Variants in MRPL39 observed in about 807,000 individuals in gnomAD.
MRPL39 encodes the protein large ribosomal subunit protein mL39.
In MRPL39, 35 loss-of-function variants were observed where a neutral mutation model predicts 44.5. The observed-to-expected ratio is 0.79, with a 90% CI of 0.60 to 1.04. The LOEUF is 1.04. Among genes scored for constraint, MRPL39 ranks in the 50% least tolerant of loss-of-function variants. MRPL39 has a pLI of 0.00. For missense variants in MRPL39, 433 were observed against 413.5 expected, an observed-to-expected ratio of 1.05 and a Z score of -0.41; for synonymous variants, 139 against 136.1, an observed-to-expected ratio of 1.02 and a Z score of -0.15.
At chr21:25,598,161 T>TA (rs1428355886) in intron 5 of MRPL39, among the ~76,000 whole-genome samples, 1 of 152,078 alleles carries the variant, frequency 6.6e-6, no homozygotes, top group Admixed American at 6.5e-5. Flanking sequence ...ATTTACTGTA[T>TA]AAAAAAATCA....
chr21:25,587,892 G>A (rs2031050963), intron 9 of MRPL39: 2 of 834,538 alleles, frequency 2.4e-6, no homozygotes, highest in Non-Finnish European at 4.0e-6. Flanking sequence ...GTGGCATTGT[G>A]GGAAATTAGG....
At chr21:25,605,286 A>G (rs11087967) in intron 2 of MRPL39, among the ~76,000 whole-genome samples, 12,274 of 152,300 alleles carry the variant, frequency 0.081, 1,220 homozygotes, top group African/African-American at 0.22. Flanking sequence ...TTGATCAAAA[A>G]TAAAATATAG....
Position 25,606,499 on chromosome 21 carries a change from G to C in MRPL39, c.230C>G (p.Thr77Ser), listed in dbSNP as rs751618374. ...AATGTTTTTATTCATCACGAAGACA[G>C]TACCGGGGTCAGTTTTCCCAACATG... ...VKHVGKTDPG[T>S]VFVMNKNIST... The change falls in exon 2 of 10, where the codon ACT becomes AGT. Residue 77 changes from threonine (T) to serine (S), a missense_variant. Transcript: ENST00000352957. The C allele has an allele frequency of 6.8e-6, 11 of 1,613,954 alleles. No homozygotes were observed. The East Asian group carries it at 2.5e-4, about 36-fold the overall frequency.
intron 8 of MRPL39, among the ~76,000 whole-genome samples, chr21:25,589,234 A>G (rs865890732): frequency 2.0e-5 from 3 of 152,160 alleles, no homozygotes; most frequent in African/African-American, 7.2e-5. Flanking sequence ...CTACTTTCCC[A>G]TAGACTGTGG....
chr21:25,598,698 C>A (rs1250155839), intron 5 of MRPL39, among the ~76,000 whole-genome samples: 1 of 151,886 alleles, frequency 6.6e-6, no homozygotes, highest in East Asian at 1.9e-4. Context: ...TTTCTTGATT[C>A]CCTCTTCTCT....
intron 5 of MRPL39, among the ~76,000 whole-genome samples, chr21:25,599,043 A>C (rs547141387): frequency 6.6e-6 from 1 of 152,290 alleles, no homozygotes; most frequent in Admixed American, 6.5e-5. Flanking sequence ...AGTTTTGTTT[A>C]ATTAAGAATT....
intron 8 of MRPL39, among the ~76,000 whole-genome samples, chr21:25,592,487 G>A (rs1029979089): frequency 6.6e-6 from 1 of 152,144 alleles, no homozygotes; most frequent in Non-Finnish European, 1.5e-5. Flanking sequence ...GGAAGAGCAT[G>A]CCAAATTTAA....
intron 4 of MRPL39, 50 bp downstream of exon 4, chr21:25,601,318 A>G: frequency 1.6e-6 from 2 of 1,215,610 alleles, no homozygotes; most frequent in Non-Finnish European, 2.4e-6. Flanking sequence ...CATCAAAAAT[A>G]GGTACCAAAA....
intron 9 of MRPL39, chr21:25,587,718 G>C: frequency 6.2e-7 from 1 of 1,608,586 alleles, no homozygotes; most frequent in Non-Finnish European, 8.5e-7. Flanking sequence ...CTGTTCCATG[G>C]AGGAGGTACG....
At chr21:25,600,833 C>A (rs147554359) in intron 4 of MRPL39, among the ~76,000 whole-genome samples, 1 of 152,184 alleles carries the variant, frequency 6.6e-6, no homozygotes, top group Admixed American at 6.5e-5. Flanking sequence ...AAGGGCCGGG[C>A]ACGGTGGCTC....
chr21:25,603,381 GTTATATGCCTGTAAAA>G (rs1416188391), intron 3 of MRPL39, among the ~76,000 whole-genome samples: 2 of 152,112 alleles, frequency 1.3e-5, no homozygotes, highest in Non-Finnish European at 2.9e-5. Context: ...TAATAAAGCT[GTTATATGCCTGTAAAA>G]GAACAACTTT....
chr21:25,593,902 T>C lies in MRPL39; in HGVS notation c.758A>G (p.Lys253Arg), dbSNP rs1227144204. The C allele has an allele frequency of 6.2e-7, 1 of 1,613,598 alleles. No individual in the cohort carries two copies. The change falls in exon 7 of 10, where the codon AAG (lysine) becomes AGG (arginine). Residue 253 changes from lysine (K) to arginine (R), a missense_variant. Transcript: ENST00000352957. ...TTAGACTTTTACTTACCTGTGTAGC[T>C]TGACTATTCTCTCAGGGTTCTGAGA... ...KASQNPERIV[K>R]LHRIGDFIDV...
At chr21:25,596,388 G>A (rs1202219934) in intron 6 of MRPL39, among the ~76,000 whole-genome samples, 2 of 152,174 alleles carry the variant, frequency 1.3e-5, no homozygotes, top group African/African-American at 4.8e-5. Context: ...GTGAGCCACC[G>A]CGCCCAGCCG....
intron 8 of MRPL39, among the ~76,000 whole-genome samples, chr21:25,592,171 T>G (rs1265030443): frequency 6.6e-6 from 1 of 152,050 alleles, no homozygotes; most frequent in Non-Finnish European, 1.5e-5. Flanking sequence ...GGCAGGGTAA[T>G]GGGGGCAACA....
At chr21:25,587,240 T>C (rs1260818724) in intron 9 of MRPL39, among the ~76,000 whole-genome samples, 1 of 152,254 alleles carries the variant, frequency 6.6e-6, no homozygotes, top group East Asian at 1.9e-4. Context: ...TTTAATATTC[T>C]TTAGCTTTTT....
chr21:25,594,497 T>A (rs1174710979), intron 6 of MRPL39, among the ~76,000 whole-genome samples: 2 of 151,972 alleles, frequency 1.3e-5, no homozygotes, highest in Non-Finnish European at 2.9e-5. Context: ...TCCTCCTGCC[T>A]CAGTCTCCCA....
chr21:25,599,845 T>C lies in MRPL39; in HGVS notation c.542A>G (p.Tyr181Cys). Residue 181 changes from tyrosine (Y) to cysteine (C), a missense_variant, in exon 5 of 10, where the codon TAT becomes TGT. Tyr to Cys is a radical substitution (Grantham distance 194). Transcript: ENST00000352957. ...EVPVISGAFC[Y>C]DVVLDSKLDE... The stretch of plus-strand genomic sequence containing the variant: ...AAGTTTGCTATCCAAAACTACGTCA[T>C]AACAGAAGGCACCAGAAATTACTGT... 1 of 1,613,756 alleles carries C rather than the reference T, an allele frequency of 6.2e-7. No homozygotes were observed. The highest frequency in any genetic ancestry group is 8.5e-7 in the Non-Finnish European group (1 of 1,179,782).
At chr21:25,604,041 G>T in intron 2 of MRPL39, 106 bp from the exon 3 acceptor site, 2 of 1,055,344 alleles carry the variant, frequency 1.9e-6, no homozygotes, top group South Asian at 1.6e-5. Context: ...AGATTCTGCA[G>T]ACTGTCCTTT....
At chr21:25,599,669 C>T (rs968556097) in intron 5 of MRPL39, 130 bp downstream of exon 5, 1 of 740,746 alleles carries the variant, frequency 1.3e-6, no homozygotes, top group South Asian at 1.9e-5. Flanking sequence ...TACATAGATA[C>T]ATAGATAGAT....
Sources: allele counts gnomAD v4.1 joint callset (sites outside exome capture counted in the v4.1 genomes callset), GRCh38; gene constraint gnomAD v4.1.1; transcripts MANE v1.5; gene names NCBI Gene and HGNC (gene_info 2026-07-23, HGNC 2026-07-21).